Variants in TMCO4 observed in about 807,000 individuals in gnomAD.
TMCO4 encodes transmembrane and coiled-coil domains 4.
A neutral mutation model predicts 64.7 loss-of-function variants in TMCO4; 58 were observed. The observed-to-expected ratio is 0.90, with a 90% CI of 0.73 to 1.12. The LOEUF is 1.12. Ranked by LOEUF, TMCO4 falls within the 50% of genes most tolerant of loss-of-function variation. The pLI is 0.00. For synonymous variants in TMCO4, 325 were observed against 346.1 expected, an observed-to-expected ratio of 0.94 and a Z score of 0.68; for missense variants, 780 against 825.9, an observed-to-expected ratio of 0.94 and a Z score of 0.68.
rs561073827 is a variant in TMCO4, at chr1:19,774,265, C to T, written c.180-2783G>A. Among the ~76,000 whole-genome samples, 4 of 152,262 alleles carry T rather than the reference C, an allele frequency of 2.6e-5. No individual in the cohort carries two copies. The South Asian group carries it at 6.2e-4, about 24-fold the overall frequency. On this transcript the variant is annotated intron_variant, in intron 4 of 15. Coordinates refer to ENST00000294543, the MANE Select transcript of TMCO4 (RefSeq NM_181719.7). ...CAGCATGGCCTGGTCCTGCTGTCCA[C>T]GAAGAAAGTTTTGGATATGGAGAAG...
At position 19,746,551 on chromosome 1, in the gene TMCO4, G is replaced by T; in HGVS notation, c.662C>A (p.Thr221Lys). The change falls in exon 9 of 16, where the codon ACG (threonine) becomes AAG (lysine). Residue 221 changes from threonine to lysine, a missense_variant. Coordinates refer to ENST00000294543, the MANE Select transcript of TMCO4 (RefSeq NM_181719.7). Reference protein sequence around the residue: ...AAPLVAAGAATIIGSAGAAAL... With the variant: ...AAPLVAAGAAKIIGSAGAAAL... ...CGCTGCCCCGGCGCTGCCAATAATC[G>T]TCGCTGCTCCAGCGGCAACAAGGGG... 1.2e-6 allele frequency: 2 copies of T among 1,611,484 alleles called. No homozygotes were observed. Among genetic ancestry groups the T allele is most frequent in the Non-Finnish European group, 1.7e-6 (2 of 1,178,862 alleles).
Position 19,771,160 on chromosome 1 carries a change from C to T in TMCO4, c.354+148G>A, listed in dbSNP as rs895931266. The stretch of plus-strand genomic sequence containing the variant: ...TAAATATTCAATAATGATAATTCAA[C>T]ATCAGCTATGATCATGATATGATAT... On this transcript the variant is annotated intron_variant, in intron 5 of 15. Transcript: ENST00000294543. The T allele has an allele frequency of 4.5e-6, 4 of 892,522 alleles. No individual in the cohort carries two copies. In the African/African-American group the frequency reaches 6.7e-5, roughly 15 times the overall value. 55.3% of individuals were successfully genotyped at this position (892,522 alleles called of 1,614,324 possible). A position where few individuals can be genotyped will look rare whatever the true frequency, so the allele number is the denominator to read the frequency against.
At chr1:19,777,461 C>T (rs1016744956) in intron 4 of TMCO4, among the ~76,000 whole-genome samples, 1 of 151,764 alleles carries the variant, frequency 6.6e-6, no homozygotes, top group African/African-American at 2.4e-5. Flanking sequence ...GATTCTTGTG[C>T]CTCATCCTAC....
At chr1:19,714,584 G>A (rs778926286) in intron 13 of TMCO4, among the ~76,000 whole-genome samples, 3 of 152,096 alleles carry the variant, frequency 2.0e-5, no homozygotes, top group African/African-American at 7.2e-5. Context: ...AATCTGTGTA[G>A]CCTAGATTGA....
chr1:19,744,703 T>G (rs2041684379), intron 10 of TMCO4, among the ~76,000 whole-genome samples: 1 of 152,140 alleles, frequency 6.6e-6, no homozygotes. Flanking sequence ...TCCCTTTGCT[T>G]GGAATACACT....
At chr1:19,694,573 T>A in intron 14 of TMCO4, 22 bp from the exon 15 acceptor site, 1 of 1,609,656 alleles carries the variant, frequency 6.2e-7, no homozygotes, top group Non-Finnish European at 8.5e-7. Context: ...TAGAGAAGCA[T>A]GTGAACATTA....
intron 13 of TMCO4, among the ~76,000 whole-genome samples, chr1:19,730,713 G>A (rs1379339179): frequency 6.6e-6 from 1 of 152,212 alleles, no homozygotes; most frequent in African/African-American, 2.4e-5. Context: ...TGGAAGCTGT[G>A]AAGACAGTTA....
chr1:19,724,958 C>T (rs1437283202), intron 13 of TMCO4, among the ~76,000 whole-genome samples: 1 of 152,140 alleles, frequency 6.6e-6, no homozygotes, highest in African/African-American at 2.4e-5. Flanking sequence ...GACGGGGTTT[C>T]ACCATGTTGG....
intron 2 of TMCO4, among the ~76,000 whole-genome samples, chr1:19,792,765 A>ATCT (rs2044109767): frequency 1.1e-5 from 1 of 89,648 alleles, no homozygotes; most frequent in African/African-American, 4.1e-5. Flanking sequence ...GTCAAGGTCA[A>ATCT]TTTTTTTTTT....
In TMCO4 at chr1:19,704,681, C is replaced by T. The variant is rs74354775; in HGVS notation, c.1265-3796G>A. The stretch of plus-strand genomic sequence containing the variant: ...CCTGCTAAGAGCTGGGACTGCTTTT[C>T]GAGCCTTGGTGCGGCTGCCTGCAGG... On this transcript the variant is annotated intron_variant, in intron 13 of 15. Coordinates refer to ENST00000294543, the MANE Select transcript of TMCO4 (RefSeq NM_181719.7). Among the ~76,000 whole-genome samples the T allele has an allele frequency of 7.5e-3, 1,141 of 152,284 alleles. 14 individuals are homozygous for T. Among genetic ancestry groups the T allele is most frequent in the South Asian group, 0.022 (104 of 4,818 alleles).
At position 19,728,724 on chromosome 1, in the gene TMCO4, C is replaced by T. The variant is rs141783098; in HGVS notation, c.1264+8648G>A. Among the ~76,000 whole-genome samples the T allele has an allele frequency of 5.7e-3, 865 of 152,290 alleles. 13 individuals carry two copies. Among genetic ancestry groups the T allele is most frequent in the African/African-American group, 0.02 (817 of 41,544 alleles). On this transcript the variant is annotated intron_variant, in intron 13 of 15. Transcript: ENST00000294543. ...CCCCTTGGCGAAGCTCCTGGGTTCC[C>T]GGGCACCATCCAACACTGGGGTTCT...
intron 4 of TMCO4, among the ~76,000 whole-genome samples, chr1:19,778,650 G>A (rs1219280331): frequency 2.0e-5 from 3 of 152,170 alleles, no homozygotes; most frequent in Non-Finnish European, 2.9e-5. Flanking sequence ...GAGGCTTAGG[G>A]AAGTTAAATA....
At chr1:19,707,833 C>T (rs1023327492) in intron 13 of TMCO4, among the ~76,000 whole-genome samples, 2 of 152,156 alleles carry the variant, frequency 1.3e-5, no homozygotes, top group African/African-American at 4.8e-5. Flanking sequence ...AGGAAACTTA[C>T]AATCATGGCG....
intron 5 of TMCO4, 101 bp from the exon 6 acceptor site, chr1:19,770,670 A>C (rs1037310109): frequency 8.5e-7 from 1 of 1,171,378 alleles, no homozygotes; most frequent in Non-Finnish European, 1.2e-6. Context: ...AACAAGACAG[A>C]CAAAAAGCCA....
intron 13 of TMCO4, among the ~76,000 whole-genome samples, chr1:19,722,017 C>G (rs1186508380): frequency 6.6e-6 from 1 of 152,178 alleles, no homozygotes; most frequent in African/African-American, 2.4e-5. Context: ...AATTTACAAG[C>G]AACTGACTCC....
chr1:19,778,361 C>T lies in TMCO4; in HGVS notation c.179+2219G>A, dbSNP rs377167480. 2.2e-4 allele frequency among the ~76,000 whole-genome samples: 33 copies of T among 152,178 alleles called. 1 individual carries two copies. Among genetic ancestry groups the T allele is most frequent in the East Asian group, 2.1e-3 (11 of 5,186 alleles). On this transcript the variant is annotated intron_variant, in intron 4 of 15. Transcript: ENST00000294543. Reference sequence around the variant, plus strand: ...CGATCTTGGCTCATTGCAACCTCTGCCTCCCGGGTTCAAGCGATTCTCCTG... The same window carrying T: ...CGATCTTGGCTCATTGCAACCTCTGTCTCCCGGGTTCAAGCGATTCTCCTG...
intron 4 of TMCO4, among the ~76,000 whole-genome samples, chr1:19,772,683 C>T (rs72658533): frequency 0.094 from 14,282 of 152,202 alleles, 831 homozygotes; most frequent in Non-Finnish European, 0.13. Flanking sequence ...ATCAGAGTCC[C>T]AGCCTGCCTC....
intron 2 of TMCO4, among the ~76,000 whole-genome samples, chr1:19,792,921 C>T (rs890604550): frequency 1.3e-5 from 2 of 152,036 alleles, no homozygotes; most frequent in African/African-American, 2.4e-5. Context: ...CAGGTGCACA[C>T]CATGATGCCT....
chr1:19,696,863 T>C (rs922279436), intron 14 of TMCO4, among the ~76,000 whole-genome samples: 1 of 152,206 alleles, frequency 6.6e-6, no homozygotes, highest in Non-Finnish European at 1.5e-5. Flanking sequence ...CTGTACCCTC[T>C]CACTGTGCTG....
Sources: allele counts gnomAD v4.1 joint callset (sites outside exome capture counted in the v4.1 genomes callset), GRCh38; gene constraint gnomAD v4.1.1; transcripts MANE v1.5; gene names NCBI Gene and HGNC (gene_info 2026-07-23, HGNC 2026-07-21).